HLCS: variants seen among roughly 807,000 people sequenced by gnomAD.
The protein encoded by HLCS is biotin--protein ligase.
Under a neutral mutation model 75.0 loss-of-function variants are expected in HLCS, and 53 were observed. The observed-to-expected ratio is 0.71, with a 90% CI of 0.57 to 0.89. The LOEUF (loss-of-function observed/expected upper bound fraction) is 0.89, where lower values mean the gene tolerates loss of function less well. Among genes scored for constraint, HLCS ranks in the 40% least tolerant of loss-of-function variants. HLCS has a pLI of 0.00. For synonymous variants in HLCS, 431 were observed against 428.6 expected, an observed-to-expected ratio of 1.01 and a Z score of -0.07; for missense variants, 966 against 1,074.0, an observed-to-expected ratio of 0.90 and a Z score of 1.41.
rs1460187177 is a variant in HLCS, at chr21:36,842,748, A to C, written c.1892+54112T>G. Among the ~76,000 whole-genome samples, 1 of 152,168 alleles carries C rather than the reference A, an allele frequency of 6.6e-6. No homozygotes were observed. Among genetic ancestry groups the C allele is most frequent in the Admixed American group, 6.5e-5 (1 of 15,274 alleles). On this transcript the variant is annotated intron_variant, in intron 6 of 10. Coordinates refer to ENST00000674895, the MANE Select transcript of HLCS (RefSeq NM_001352514.2). This position sits in a 1 kb window ranked among gnomAD's most constrained non-coding sequence, Gnocchi z 4.2. ...ACAGAGCAAGACTCAGTCTCAAAAAAACAAACAACAACCAAAAAAACTATC... is the reference window on the plus strand; with the variant it reads ...ACAGAGCAAGACTCAGTCTCAAAAACACAAACAACAACCAAAAAAACTATC...
chr21:36,759,712 GT>G lies in HLCS; in HGVS notation c.2236+14del, dbSNP rs1366876054. ...TTAATCTAAAAATGCTGGGGGAAAGGTTTTTGAAACTTACCAATAAGTATAT... is the reference window on the plus strand; with the variant it reads ...TTAATCTAAAAATGCTGGGGGAAAGGTTTTGAAACTTACCAATAAGTATAT... On this transcript the variant is annotated intron_variant, in intron 9 of 10. Transcript: ENST00000674895. 4.8e-6 allele frequency: 7 copies of G among 1,443,364 alleles called. No individual in the cohort carries two copies. The highest frequency in any genetic ancestry group is 1.7e-5 in the Admixed American group (1 of 59,826). 89.4% of individuals were successfully genotyped at this position (1,443,364 alleles called of 1,614,324 possible).
At chr21:36,911,744 G>C (rs1425459054) in intron 5 of HLCS, among the ~76,000 whole-genome samples, 2 of 61,312 alleles carry the variant, frequency 3.3e-5, no homozygotes, top group Non-Finnish European at 5.6e-5. Flanking sequence ...GCGAGACTCC[G>C]TCTCAAAAAA....
intron 6 of HLCS, among the ~76,000 whole-genome samples, chr21:36,826,639 T>C (rs1295690574): frequency 6.6e-6 from 1 of 152,200 alleles, no homozygotes; most frequent in Non-Finnish European, 1.5e-5. Flanking sequence ...ATAGTAACAT[T>C]CTACTGTACC....
At position 36,896,895 on chromosome 21, in the gene HLCS, G is replaced by T. The variant is rs759178651; in HGVS notation, c.1857C>A (p.Ala619=). ...TKQLGKVILF[A]EVTPTTMRLL... ...GACGCATCGTTGTGGGGGTCACTTC[G>T]GCAAACAAAATTACTTTCCCCAACT... The change falls in exon 6 of 11, where the codon GCC becomes GCA. Residue 619 remains alanine, a synonymous_variant. Transcript: ENST00000674895. 83 of 1,614,078 alleles carry T rather than the reference G, an allele frequency of 5.1e-5. No individual in the cohort carries two copies. In the Middle Eastern group the frequency reaches 1.8e-3, roughly 35 times the overall value.
chr21:36,855,404 G>T (rs2063153798), intron 6 of HLCS, among the ~76,000 whole-genome samples: 1 of 151,744 alleles, frequency 6.6e-6, no homozygotes. Flanking sequence ...TGGGCCTGAT[G>T]ATGTGTGCCT....
intron 6 of HLCS, among the ~76,000 whole-genome samples, chr21:36,788,196 G>T (rs907141461): frequency 1.3e-5 from 2 of 152,174 alleles, no homozygotes; most frequent in African/African-American, 4.8e-5. Flanking sequence ...TCGGTGAAGC[G>T]TCTTCCTGAA....
chr21:36,768,629 T>C lies in HLCS; in HGVS notation c.1893-1344A>G, dbSNP rs937296524. Among the ~76,000 whole-genome samples, 8 of 152,340 alleles carry C rather than the reference T, an allele frequency of 5.3e-5. 1 individual carries two copies. Among genetic ancestry groups the C allele is most frequent in the Admixed American group, 3.3e-4 (5 of 15,310 alleles). ...GGGCTCAGCTGCTGAGATAGCTGTC[T>C]TCCCACACGGCTGCTGGAACAGGCA... On this transcript the variant is annotated intron_variant, in intron 6 of 10. Coordinates refer to ENST00000674895, the MANE Select transcript of HLCS (RefSeq NM_001352514.2).
At chr21:36,893,692 G>A (rs1196869758) in intron 6 of HLCS, among the ~76,000 whole-genome samples, 1 of 152,188 alleles carries the variant, frequency 6.6e-6, no homozygotes, top group South Asian at 2.1e-4. Flanking sequence ...GCTCCTATGA[G>A]AATCTAATGC....
chr21:36,898,263 T>C (rs542674747), intron 5 of HLCS, among the ~76,000 whole-genome samples: 1 of 151,754 alleles, frequency 6.6e-6, no homozygotes, highest in Non-Finnish European at 1.5e-5. Flanking sequence ...CTGACCAACA[T>C]GGTGAAACTC....
chr21:36,971,917 G>A (rs2068802305), intron 1 of HLCS: 1 of 151,942 alleles, frequency 6.6e-6, no homozygotes. Flanking sequence ...GATAAAATGT[G>A]TTACTGCTGA....
chr21:36,835,163 AT>A (rs1348665263), intron 6 of HLCS, among the ~76,000 whole-genome samples: 1 of 152,192 alleles, frequency 6.6e-6, no homozygotes, highest in Non-Finnish European at 1.5e-5. Flanking sequence ...TAAATGGGGG[AT>A]TCCAAGACGT....
At chr21:36,870,994 T>C (rs1332247720) in intron 6 of HLCS, among the ~76,000 whole-genome samples, 1 of 151,950 alleles carries the variant, frequency 6.6e-6, no homozygotes, top group Non-Finnish European at 1.5e-5. Context: ...TTAATGAGAG[T>C]ATTTTCAATA....
At chr21:36,956,336 T>C (rs910086430) in intron 2 of HLCS, among the ~76,000 whole-genome samples, 1 of 152,138 alleles carries the variant, frequency 6.6e-6, no homozygotes, top group Non-Finnish European at 1.5e-5. Context: ...ATGAGATCCA[T>C]GCATAAACCA....
rs373570308 is a variant in HLCS at position 36,925,037 on chromosome 21, T to G, written c.1620+5214A>C. Reference sequence around the variant, plus strand: ...AAGGGCCTGTACCCGTTTTTTGATATGTTTACAAGTATCTAAACTATCCTT... The same window carrying G: ...AAGGGCCTGTACCCGTTTTTTGATAGGTTTACAAGTATCTAAACTATCCTT... On this transcript the variant is annotated intron_variant, in intron 5 of 10. Transcript: ENST00000674895. Among the ~76,000 whole-genome samples, 20 of 152,318 alleles carry G rather than the reference T, an allele frequency of 1.3e-4. No individual in the cohort carries two copies. The South Asian group carries it at 1.7e-3, about 13-fold the overall frequency.
chr21:36,793,357 G>A (rs981643966), intron 6 of HLCS, among the ~76,000 whole-genome samples: 3 of 147,820 alleles, frequency 2.0e-5, no homozygotes, highest in Non-Finnish European at 4.5e-5. Flanking sequence ...GTGCAGTGGC[G>A]CAATCTTGGC....
chr21:36,934,375 T>C (rs1358540490), intron 4 of HLCS, among the ~76,000 whole-genome samples: 1 of 152,100 alleles, frequency 6.6e-6, no homozygotes, highest in Admixed American at 6.5e-5. Flanking sequence ...TGACCCAAAA[T>C]GTCAATAGTG....
chr21:36,957,833 G>A (rs1262864964), intron 2 of HLCS, among the ~76,000 whole-genome samples: 4 of 151,482 alleles, frequency 2.6e-5, no homozygotes, highest in Admixed American at 6.6e-5. Context: ...GGAGGCTGAG[G>A]AAGGAGAATG....
At chr21:36,980,657 G>C (rs1279969886) in intron 1 of HLCS, 2 of 152,262 alleles carry the variant, frequency 1.3e-5, no homozygotes, top group Non-Finnish European at 1.5e-5. Flanking sequence ...GCCTGATACC[G>C]GCCGCGGAGC....
At chr21:36,967,125 G>C (rs1229146223), upstream of HLCS, among the ~76,000 whole-genome samples, 1 of 152,034 alleles carries the variant, frequency 6.6e-6, no homozygotes, top group African/African-American at 2.4e-5. Flanking sequence ...ATTGAGGAGG[G>C]GGCTCTGCCT....
Sources: gnomAD v4.1 joint callset for allele counts (sites outside exome capture counted in the v4.1 genomes callset) on GRCh38, gnomAD v4.1.1 for gene constraint, Gnocchi (gnomAD v3.1) non-coding constraint, MANE v1.5 for transcripts, NCBI Gene and HGNC (gene_info 2026-07-23, HGNC 2026-07-21) for gene names.